PHLDB1: variants seen among roughly 807,000 people sequenced by gnomAD.
PHLDB1 encodes the protein pleckstrin homology like domain family B member 1, also known as pleckstrin homology-like domain family B member 1.
Under a neutral mutation model 139.3 loss-of-function variants are expected in PHLDB1, and 65 were observed. That is an observed-to-expected ratio of 0.47 (90% CI 0.38 to 0.57). The LOEUF is 0.57. PHLDB1 is among the 20% of genes least tolerant of loss of function. PHLDB1 has a pLI of 0.00. For missense variants in PHLDB1, 1,624 were observed against 1,839.7 expected (o/e 0.88, Z 2.14); for synonymous variants, 679 against 734.5 (o/e 0.92, Z 1.22).
intron 1 of PHLDB1, among the ~76,000 whole-genome samples, chr11:118,612,552 C>T (rs1940672363): frequency 6.6e-6 from 1 of 152,206 alleles, no homozygotes. Flanking sequence ...CCCCTCTTCC[C>T]TGGCAGTCTT....
At chr11:118,638,870 C>A in intron 10 of PHLDB1, 21 bp from the exon 11 acceptor site, 1 of 1,579,656 alleles carries the variant, frequency 6.3e-7, no homozygotes, top group Non-Finnish European at 8.6e-7. Flanking sequence ...AGGGCCTGAT[C>A]AACCACCCCA....
At position 118,627,176 on chromosome 11, in the gene PHLDB1, G is replaced by C. The variant is rs1944020502; in HGVS notation, c.482-129G>C. 4 of 896,616 alleles carry C rather than the reference G, an allele frequency of 4.5e-6. No homozygotes were observed. In the East Asian group the frequency reaches 9.8e-5, roughly 22 times the overall value. The allele number at this position is 896,616 out of a possible 1,614,324, so 55.5% of individuals were successfully genotyped here. A position where few individuals can be genotyped will look rare whatever the true frequency, so the allele number is the denominator to read the frequency against. ...TCAGTGGCAGAGCTAGCTGGTACCA[G>C]AACCACATCTCCTGGCTTCTTCTCC... On this transcript the variant is annotated intron_variant, in intron 5 of 22. Transcript: ENST00000600882.
chr11:118,634,214 C>G (rs1555113368), intron 9 of PHLDB1: 1 of 152,240 alleles, frequency 6.6e-6, no homozygotes, highest in African/African-American at 2.4e-5. Flanking sequence ...TCCTGGGACT[C>G]ATTACCATGG....
At chr11:118,623,915 T>A (rs935282617) in intron 4 of PHLDB1, among the ~76,000 whole-genome samples, 46,156 of 129,946 alleles carry the variant, frequency 0.36, 7,355 homozygotes, top group Admixed American at 0.47. Flanking sequence ...TGTGTGTGTG[T>A]GTGAGACGGA....
chr11:118,656,919 T>G lies in PHLDB1; in HGVS notation c.*96T>G. The G allele has an allele frequency of 8.8e-7, 1 of 1,140,970 alleles. No individual in the cohort carries two copies. Among genetic ancestry groups the G allele is most frequent in the Non-Finnish European group, 1.2e-6 (1 of 805,242 alleles). The allele number at this position is 1,140,970 out of a possible 1,614,324, so 70.7% of individuals were successfully genotyped here. A position where few individuals can be genotyped will look rare whatever the true frequency, so the allele number is the denominator to read the frequency against. On this transcript the variant is annotated 3_prime_UTR_variant, in exon 23 of 23. Transcript: ENST00000600882. ...CTTGGTCCTGTGAGTTTCTGGGCTC[T>G]GGCCTCCTGAAGAACCAGCCAGAAG...
chr11:118,635,456 C>T lies in PHLDB1; in HGVS notation c.2443C>T (p.Arg815Trp), dbSNP rs1555114657. Residue 815 changes from arginine (R) to tryptophan (W), a missense_variant, in exon 10 of 23, where the codon CGG becomes TGG. Transcript: ENST00000600882. ...GGACTTGGAGTTCCAGCAGTTGGAG[C>T]GGGAGAGCCGCGTGGAGGAGGAGCG... is the stretch of plus-strand genomic sequence containing the variant. ...FEDLEFQQLERESRVEEEREL... is the reference protein window; with the variant it reads ...FEDLEFQQLEWESRVEEEREL... 1.2e-6 allele frequency: 2 copies of T among 1,611,916 alleles called. No individual in the cohort carries two copies. The highest frequency in any genetic ancestry group is 1.7e-6 in the Non-Finnish European group (2 of 1,179,206).
Position 118,620,929 on chromosome 11 carries a change from C to T in PHLDB1, c.356-4005C>T, listed in dbSNP as rs1942641454. 6.6e-6 allele frequency among the ~76,000 whole-genome samples: 1 copy of T among 152,232 alleles called. No individual in the cohort carries two copies. Among genetic ancestry groups the T allele is most frequent in the South Asian group, 2.1e-4 (1 of 4,822 alleles). ...GAGCCCCTGCTCTTTTCCTCTCCCT[C>T]TCTCTCTCAGATATGGACCCATGGA... On this transcript the variant is annotated intron_variant, in intron 4 of 22. Coordinates refer to ENST00000600882, the MANE Select transcript of PHLDB1 (RefSeq NM_001144758.3). This position sits in a 1 kb window ranked among gnomAD's most constrained non-coding sequence, Gnocchi z 4.1.
rs1565485696 is a variant in PHLDB1 at position 118,645,488 on chromosome 11, CT to C, written c.3255del (p.Leu1086SerfsTer27). Reference protein sequence around the residue: ...PFPAGPSGFPPLMHHSILHHL... With the variant: ...PFPAGPSGFPXLMHHSILHHL... ...CCAGCGGGCCCCTCGGGCTTCCCCC[CT>C]CTCATGCACCACTCTATCCTACACC... On this transcript the variant is annotated frameshift_variant, in exon 16 of 23. Coordinates refer to ENST00000600882, the MANE Select transcript of PHLDB1 (RefSeq NM_001144758.3). LOFTEE classifies it high-confidence loss of function. The surrounding 1 kb of genome is among the most constrained non-coding windows in gnomAD (Gnocchi z 5.1). The C allele has an allele frequency of 6.2e-7, 1 of 1,611,968 alleles. No homozygotes were observed. Among genetic ancestry groups the C allele is most frequent in the Non-Finnish European group, 8.5e-7 (1 of 1,179,056 alleles).
intron 4 of PHLDB1, among the ~76,000 whole-genome samples, chr11:118,623,461 C>T (rs1027842610): frequency 6.6e-6 from 1 of 152,206 alleles, no homozygotes; most frequent in Admixed American, 6.5e-5. Flanking sequence ...TGCCCTCCCC[C>T]TCCAGGTACT....
At position 118,627,738 on chromosome 11, in the gene PHLDB1, T is replaced by C. The variant is rs782499810; in HGVS notation, c.915T>C (p.Gly305=). 6.2e-7 allele frequency: 1 copy of C among 1,609,060 alleles called. No individual in the cohort carries two copies. Among genetic ancestry groups the C allele is most frequent in the Non-Finnish European group, 8.5e-7 (1 of 1,179,962 alleles). The change falls in exon 6 of 23, where the codon GGT becomes GGC. Residue 305 remains glycine, a synonymous_variant. Coordinates refer to ENST00000600882, the MANE Select transcript of PHLDB1 (RefSeq NM_001144758.3). ...AGCCCCCACAGTCCCGCCCAAGTGG[T>C]GCTCGCTCCGAGAGTCCTCGGCTGA... ...ALQPPQSRPS[G]ARSESPRLSR...
chr11:118,635,232 A>G, intron 9 of PHLDB1, 161 bp from the exon 10 acceptor site: 2 of 859,246 alleles, frequency 2.3e-6, no homozygotes, highest in South Asian at 3.4e-5. Context: ...GATGCCCGCA[A>G]AAGGGCAAGG....
chr11:118,639,496 A>G (rs538371523), intron 12 of PHLDB1: 2 of 478,068 alleles, frequency 4.2e-6, no homozygotes, highest in Non-Finnish European at 3.8e-6. Flanking sequence ...GTGGCTGAAT[A>G]TATGTGGGGG....
At chr11:118,615,977 T>C (rs1208913536) in intron 3 of PHLDB1, 64 bp from the exon 4 acceptor site, 26 of 1,385,366 alleles carry the variant, frequency 1.9e-5, no homozygotes, top group African/African-American at 9.9e-5. Context: ...GTGGCCCTCC[T>C]TGCCCTGTCA....
intron 10 of PHLDB1, 129 bp downstream of exon 10, chr11:118,635,677 C>T (rs1945526993): frequency 2.4e-6 from 2 of 833,832 alleles, no homozygotes; most frequent in Non-Finnish European, 3.6e-6. Context: ...ATGAGAATTA[C>T]AACAGGTTGT....
chr11:118,614,469 C>A, intron 2 of PHLDB1, 90 bp from the exon 3 acceptor site: 2 of 1,434,198 alleles, frequency 1.4e-6, no homozygotes, highest in Non-Finnish European at 1.9e-6. Flanking sequence ...CGGAGAGGGG[C>A]GAGGGCTGGA....
chr11:118,618,067 A>C (rs11216930), intron 4 of PHLDB1, among the ~76,000 whole-genome samples: 33,708 of 151,876 alleles, frequency 0.22, 3,799 homozygotes, highest in South Asian at 0.36. Context: ...AGAAGGGGAG[A>C]GCCTAGGGCT....
At chr11:118,655,714 G>C (rs782568367) in intron 21 of PHLDB1, 24 bp downstream of exon 21, 14 of 1,571,860 alleles carry the variant, frequency 8.9e-6, no homozygotes, top group African/African-American at 4.1e-5. Context: ...GGCACCAGAG[G>C]GGGGCCAGAG....
rs1471717772 is a variant in PHLDB1 at position 118,616,098 on chromosome 11, C to T, written c.242C>T (p.Ala81Val). 18 of 1,613,924 alleles carry T rather than the reference C, an allele frequency of 1.1e-5. No individual in the cohort carries two copies. Among genetic ancestry groups the T allele is most frequent in the African/African-American group, 1.1e-4 (8 of 74,916 alleles). ...RDISLQGPGL[A>V]PEHCYIENLR... ...ATCTCACTACAGGGCCCAGGCCTGG[C>T]TCCAGAGCACTGCTACATCGAGAAC... The change falls in exon 4 of 23, where the codon GCT becomes GTT. Residue 81 changes from alanine (A) to valine (V), a missense_variant. By Grantham distance (64) the Ala-to-Val change is moderately conservative (BLOSUM62 0). Transcript: ENST00000600882.
At chr11:118,612,641 G>T (rs529330733) in intron 1 of PHLDB1, among the ~76,000 whole-genome samples, 1 of 152,284 alleles carries the variant, frequency 6.6e-6, no homozygotes, top group Non-Finnish European at 1.5e-5. Flanking sequence ...TGCAGTCCAG[G>T]TCCGGAAGGG....
Sources: gnomAD v4.1 joint callset for allele counts (sites outside exome capture counted in the v4.1 genomes callset) on GRCh38, gnomAD v4.1.1 for gene constraint, Gnocchi (gnomAD v3.1) non-coding constraint, MANE v1.5 for transcripts, NCBI Gene and HGNC (gene_info 2026-07-23, HGNC 2026-07-21) for gene names.